Variants in UTP11 observed in about 807,000 individuals in gnomAD.
UTP11 encodes the protein probable U3 small nucleolar RNA-associated protein 11.
Under a neutral mutation model 39.0 loss-of-function variants are expected in UTP11, and 29 were observed. The observed-to-expected ratio is 0.74, with a 90% CI of 0.55 to 1.01. The LOEUF (loss-of-function observed/expected upper bound fraction) is 1.01, where lower values mean the gene tolerates loss of function less well. Ranked by LOEUF, UTP11 falls within the 50% of genes least tolerant of loss-of-function variation. The pLI, the probability that UTP11 is intolerant of heterozygous loss-of-function variation, is 0.00. For missense variants in UTP11, 281 were observed against 306.0 expected, an observed-to-expected ratio of 0.92 and a Z score of 0.61; for synonymous variants, 111 against 105.0, an observed-to-expected ratio of 1.06 and a Z score of -0.35.
Position 38,023,759 on chromosome 1 carries a change from T to A in UTP11, c.*131T>A. 1.5e-6 allele frequency: 1 copy of A among 670,194 alleles called. No homozygotes were observed. The highest frequency in any genetic ancestry group is 2.4e-6 in the Non-Finnish European group (1 of 416,890). 41.5% of individuals were successfully genotyped at this position (670,194 alleles called of 1,614,324 possible). A position where few individuals can be genotyped will look rare whatever the true frequency, so the allele number is the denominator to read the frequency against. ...ATAACTAAATTGTCAGTCTGACATT[T>A]AATGTCTTTCTATGGACAACATTAA... is the stretch of plus-strand genomic sequence containing the variant. On this transcript the variant is annotated 3_prime_UTR_variant, in exon 8 of 8. Coordinates refer to ENST00000373014, the MANE Select transcript of UTP11 (RefSeq NM_016037.4).
chr1:38,023,708 A>G lies in UTP11; in HGVS notation c.*80A>G, dbSNP rs550229854. The stretch of plus-strand genomic sequence containing the variant: ...GTAACTTCAAATTCCATTACTCCAA[A>G]TGGCATGGTTTTCCGGTTTGTAACC... On this transcript the variant is annotated 3_prime_UTR_variant, in exon 8 of 8. Coordinates refer to ENST00000373014, the MANE Select transcript of UTP11 (RefSeq NM_016037.4). 9.8e-4 allele frequency: 1,240 copies of G among 1,270,680 alleles called. No homozygotes were observed. Among genetic ancestry groups the G allele is most frequent in the Admixed American group, 1.7e-3 (73 of 43,842 alleles). 78.7% of individuals were successfully genotyped at this position (1,270,680 alleles called of 1,614,324 possible).
At position 38,016,408 on chromosome 1, in the gene UTP11, A is replaced by G. The variant is rs139940731; in HGVS notation, c.113A>G (p.Lys38Arg). The G allele has an allele frequency of 4.6e-5, 75 of 1,614,076 alleles. No homozygotes were observed. In the African/African-American group the frequency reaches 7.7e-4, roughly 17 times the overall value. ...CTGCTGGAGAAAAAGAAAGATTACA[A>G]ACTTCGTGCAGAGTGAGTTCAGTCT... is the stretch of plus-strand genomic sequence containing the variant. ...LGLLEKKKDY[K>R]LRADDYRKKQ... The change falls in exon 2 of 8, where the codon AAA (lysine) becomes AGA (arginine). Residue 38 changes from lysine to arginine, a missense_variant. By Grantham distance (26) the Lys-to-Arg change is conservative (BLOSUM62 2). Coordinates refer to ENST00000373014, the MANE Select transcript of UTP11 (RefSeq NM_016037.4).
At chr1:38,022,954 T>C (rs72663617) in intron 7 of UTP11, 145 bp downstream of exon 7, 67,605 of 625,506 alleles carry the variant, frequency 0.11, 4,255 homozygotes, top group Non-Finnish European at 0.13. Context: ...TTTGAGCCAG[T>C]GTCTGTTACT....
chr1:38,023,427 G>T, intron 7 of UTP11, 118 bp from the exon 8 acceptor site: 1 of 801,066 alleles, frequency 1.2e-6, no homozygotes, highest in Non-Finnish European at 2.0e-6. Context: ...CAGTAGGGCT[G>T]TGTCCGTTCT....
chr1:38,012,974 T>G, intron 1 of UTP11, 109 bp downstream of exon 1: 3 of 1,290,006 alleles, frequency 2.3e-6, no homozygotes, highest in Non-Finnish European at 3.3e-6. Context: ...AGTATATAAA[T>G]GCACGTAAAT....
In UTP11 at chr1:38,023,608, C is replaced by CA; in HGVS notation, c.743dup (p.Ser249GlufsTer11). 1 of 1,610,346 alleles carries CA rather than the reference C, an allele frequency of 6.2e-7. No individual in the cohort carries two copies. The highest frequency in any genetic ancestry group is 8.5e-7 in the Non-Finnish European group (1 of 1,178,536). On this transcript the variant is annotated frameshift_variant, in exon 8 of 8. Transcript: ENST00000373014. LOFTEE classifies it high-confidence loss of function. ...GAACTCCCCAGCTATTTATAAATTT[C>CA]AGAGTCGTCGAAAACGTTGACGTGT...
intron 1 of UTP11, among the ~76,000 whole-genome samples, 195 bp downstream of exon 1, chr1:38,013,060 A>T (rs566731067): frequency 6.6e-6 from 1 of 152,344 alleles, no homozygotes; most frequent in East Asian, 1.9e-4. Context: ...TTTCCGTTCT[A>T]GGAAAAGCAG....
chr1:38,023,439 A>C (rs1646749138), intron 7 of UTP11, 106 bp from the exon 8 acceptor site: 1 of 976,496 alleles, frequency 1.0e-6, no homozygotes, highest in African/African-American at 1.7e-5. Context: ...GTCCGTTCTC[A>C]ACTTTGAGAA....
chr1:38,017,785 G>A lies in UTP11; in HGVS notation c.228+15G>A. The A allele has an allele frequency of 1.3e-6, 2 of 1,593,330 alleles. No homozygotes were observed. The highest frequency in any genetic ancestry group is 1.1e-5 in the South Asian group (1 of 87,666). On this transcript the variant is annotated intron_variant, in intron 3 of 7. Coordinates refer to ENST00000373014, the MANE Select transcript of UTP11 (RefSeq NM_016037.4). The stretch of plus-strand genomic sequence containing the variant: ...TTAAACTCCAGGTGGGTGCCCAATG[G>A]CTTGGTTGGTGTTTTGAGCTCCACA...
Position 38,024,275 on chromosome 1 carries a change from G to A in UTP11, c.*647G>A, listed in dbSNP as rs1646753109. 1.3e-5 allele frequency: 2 copies of A among 152,224 alleles called. No homozygotes were observed. Among genetic ancestry groups the A allele is most frequent in the African/African-American group, 4.8e-5 (2 of 41,448 alleles). 9.4% of individuals were successfully genotyped at this position (152,224 alleles called of 1,614,324 possible). ...CTTAACTGTGCTAGGAGCTAGAGCT[G>A]TGGAGGTGGACAATTACTGTGAGTA... On this transcript the variant is annotated 3_prime_UTR_variant, in exon 8 of 8. Transcript: ENST00000373014.
rs113416242 is a variant in UTP11, at chr1:38,023,722, C to T, written c.*94C>T. 2.2e-4 allele frequency: 231 copies of T among 1,063,736 alleles called. No individual in the cohort carries two copies. In the African/African-American group the frequency reaches 2.4e-3, roughly 11 times the overall value. The allele number at this position is 1,063,736 out of a possible 1,614,324, so 65.9% of individuals were successfully genotyped here. ...CATTACTCCAAATGGCATGGTTTTC[C>T]GGTTTGTAACCATAACTAAATTGTC... is the stretch of plus-strand genomic sequence containing the variant. On this transcript the variant is annotated 3_prime_UTR_variant, in exon 8 of 8. Coordinates refer to ENST00000373014, the MANE Select transcript of UTP11 (RefSeq NM_016037.4).
chr1:38,013,277 T>A (rs958987992), intron 1 of UTP11, among the ~76,000 whole-genome samples: 4 of 152,234 alleles, frequency 2.6e-5, no homozygotes, highest in African/African-American at 9.6e-5. Flanking sequence ...GAAGAGACTG[T>A]GGTTACTAAT....
rs1557771229 is a variant in UTP11, at chr1:38,022,814, GGAGA to G, written c.678+11_678+14del. On this transcript the variant is annotated splice_donor_region_variant and intron_variant, in intron 7 of 7. Transcript: ENST00000373014. ...CAAACACGCAAAGATCTTATGGTGA[GGAGA>G]GAGAGCCTTAGGCCTCTTTTTTTTT... 1.2e-6 allele frequency: 2 copies of G among 1,604,150 alleles called. No homozygotes were observed. Among genetic ancestry groups the G allele is most frequent in the Non-Finnish European group, 1.7e-6 (2 of 1,172,998 alleles).
chr1:38,015,502 T>C (rs1646703009), intron 1 of UTP11, among the ~76,000 whole-genome samples: 1 of 152,230 alleles, frequency 6.6e-6, no homozygotes, highest in South Asian at 2.1e-4. Context: ...ATTCCCTTTA[T>C]GGAAAACTGG....
At chr1:38,017,601 T>C in intron 2 of UTP11, 67 bp from the exon 3 acceptor site, 2 of 1,290,494 alleles carry the variant, frequency 1.5e-6, no homozygotes, top group South Asian at 1.6e-5. Flanking sequence ...TTATTGTGGG[T>C]TTTTGGTTTT....
At chr1:38,020,881 A>G (rs757691237) in intron 6 of UTP11, among the ~76,000 whole-genome samples, 5 of 151,966 alleles carry the variant, frequency 3.3e-5, no homozygotes, top group Non-Finnish European at 5.9e-5. Flanking sequence ...GAGCTTGCTC[A>G]TGAGTGTTCT....
intron 3 of UTP11, among the ~76,000 whole-genome samples, chr1:38,018,107 G>C (rs1441861265): frequency 3.3e-5 from 5 of 151,716 alleles, no homozygotes; most frequent in African/African-American, 4.8e-5. Flanking sequence ...CTCACTCTCT[G>C]TTGCCCAGGC....
At chr1:38,014,120 C>T (rs1006567166) in intron 1 of UTP11, among the ~76,000 whole-genome samples, 1 of 152,208 alleles carries the variant, frequency 6.6e-6, no homozygotes, top group Non-Finnish European at 1.5e-5. Context: ...GGATGTTACC[C>T]TCATTCCTCA....
rs775671449 is a variant in UTP11, at chr1:38,019,334, C to A, written c.518C>A (p.Thr173Asn). Residue 173 changes from threonine (T) to asparagine (N), a missense_variant, in exon 6 of 8, where the codon ACC (threonine) becomes AAC (asparagine). By Grantham distance (65) the Thr-to-Asn change is moderately conservative. Transcript: ENST00000373014. The part of the protein sequence containing the change: ...DRVFNRPRIE[T>N]LQKEKVKGVT... The stretch of plus-strand genomic sequence containing the variant: ...GTCTTTAATAGGCCCAGGATAGAGA[C>A]CTTGCAGAAAGAAAAAGTGAAAGGA... 3.1e-6 allele frequency: 5 copies of A among 1,613,776 alleles called. No homozygotes were observed. Among genetic ancestry groups the A allele is most frequent in the Admixed American group, 1.7e-5 (1 of 59,976 alleles).
Sources: gnomAD v4.1 joint callset for allele counts (sites outside exome capture counted in the v4.1 genomes callset) on GRCh38, gnomAD v4.1.1 for gene constraint, MANE v1.5 for transcripts, NCBI Gene and HGNC (gene_info 2026-07-23, HGNC 2026-07-21) for gene names.